Variants in ADGRL1 observed in about 807,000 individuals in gnomAD.
ADGRL1 encodes adhesion G protein-coupled receptor L1, also known as CIRL-1.
Under a neutral mutation model 148.9 loss-of-function variants are expected in ADGRL1, and 31 were observed. The ratio of observed to expected loss-of-function variants is 0.21; its 90% CI spans 0.16 to 0.28. The LOEUF (loss-of-function observed/expected upper bound fraction) is 0.28, where lower values mean the gene tolerates loss of function less well. ADGRL1 is among the 10% of genes least tolerant of loss of function. ADGRL1 has a pLI of 1.00. For missense variants in ADGRL1, 1,521 were observed against 2,058.8 expected (o/e 0.74, Z 5.05); for synonymous variants, 937 against 900.3 (o/e 1.04, Z -0.73).
At chr19:14,183,969 C>G (rs929098515) in intron 1 of ADGRL1, among the ~76,000 whole-genome samples, 11 of 152,262 alleles carry the variant, frequency 7.2e-5, no homozygotes, top group African/African-American at 2.6e-4. Context: ...GGGGAGATCC[C>G]AGGCAGGCCT....
In ADGRL1 at chr19:14,156,930, C is replaced by T. The variant is rs755451926; in HGVS notation, c.2961G>A (p.Glu987=). The change falls in exon 15 of 23, where the codon GAG becomes GAA. Residue 987 remains glutamate (E), a synonymous_variant. Transcript: ENST00000361434. ...AAIDYRSYGT[E]KACWLRVDNY... Reference sequence around the variant, plus strand: ...GCTGGGAGGTGGAAACTCACGCCTTCTCGGTGCCGTAGCTGCGGTAGTCAA... The same window carrying T: ...GCTGGGAGGTGGAAACTCACGCCTTTTCGGTGCCGTAGCTGCGGTAGTCAA... 6.2e-7 allele frequency: 1 copy of T among 1,610,070 alleles called. No homozygotes were observed.
chr19:14,152,005 G>A lies in ADGRL1; in HGVS notation c.3667+128C>T, dbSNP rs1340310450. On this transcript the variant is annotated intron_variant, in intron 22 of 22. Coordinates refer to ENST00000361434, the MANE Select transcript of ADGRL1 (RefSeq NM_014921.5). The surrounding 1 kb of genome is among the most constrained non-coding windows in gnomAD (Gnocchi z 6.1). ...ATTCGGCTGCCAGAGGCTGTGTGTC[G>A]GGGGGTGGGGAAATGTGGGCATGGG... 12 of 854,796 alleles carry A rather than the reference G, an allele frequency of 1.4e-5. No homozygotes were observed. The highest frequency in any genetic ancestry group is 1.9e-5 in the Admixed American group (1 of 51,580). 53.0% of individuals were successfully genotyped at this position (854,796 alleles called of 1,614,324 possible).
At chr19:14,199,012 G>A (rs1272352070) in intron 1 of ADGRL1, among the ~76,000 whole-genome samples, 2 of 152,230 alleles carry the variant, frequency 1.3e-5, no homozygotes, top group Non-Finnish European at 2.9e-5. Flanking sequence ...GGGCACAGAG[G>A]CGGGATCCCC....
chr19:14,175,113 G>A (rs1056559474), intron 3 of ADGRL1, among the ~76,000 whole-genome samples: 2 of 152,126 alleles, frequency 1.3e-5, no homozygotes, highest in Non-Finnish European at 2.9e-5. Flanking sequence ...AAAGTTCTGT[G>A]ATTACAGGCG....
chr19:14,177,877 C>G, intron 2 of ADGRL1, 133 bp from the exon 3 acceptor site: 1 of 730,100 alleles, frequency 1.4e-6, no homozygotes, highest in Non-Finnish European at 2.2e-6. Context: ...TCAGTTGATT[C>G]AGCTGTAGAA....
At chr19:14,196,228 CGTGT>C (rs1972253377) in intron 1 of ADGRL1, among the ~76,000 whole-genome samples, 2 of 152,218 alleles carry the variant, frequency 1.3e-5, no homozygotes, top group African/African-American at 4.8e-5. Context: ...CCAGAGGGCG[CGTGT>C]GAGCATCTAA....
intron 12 of ADGRL1, 48 bp downstream of exon 12, chr19:14,158,290 C>G (rs1473809918): frequency 6.3e-7 from 1 of 1,580,470 alleles, no homozygotes; most frequent in Non-Finnish European, 8.7e-7. Flanking sequence ...CCTGGGAACA[C>G]AGAGGGTACA....
At chr19:14,198,609 C>A (rs1311973846) in intron 1 of ADGRL1, among the ~76,000 whole-genome samples, 1 of 152,108 alleles carries the variant, frequency 6.6e-6, no homozygotes, top group Non-Finnish European at 1.5e-5. Context: ...CCTCTACCCC[C>A]ACCCCTGCCA....
intron 1 of ADGRL1, among the ~76,000 whole-genome samples, chr19:14,184,786 C>T (rs904153769): frequency 6.6e-6 from 1 of 151,800 alleles, no homozygotes; most frequent in African/African-American, 2.4e-5. Flanking sequence ...ACTACAGGCA[C>T]CCACCAACAC....
rs183534627 is a variant in ADGRL1, at chr19:14,185,531, T to C, written c.-95-1834A>G. ...CTGGTCTTGAACTCCTGGCCTCAAA[T>C]GATCCTCCCACCTCAGTCTCCCAAA... On this transcript the variant is annotated intron_variant, in intron 1 of 22. Coordinates refer to ENST00000361434, the MANE Select transcript of ADGRL1 (RefSeq NM_014921.5). Among the ~76,000 whole-genome samples the C allele has an allele frequency of 3.8e-3, 576 of 152,046 alleles. 1 individual carries two copies. Among genetic ancestry groups the C allele is most frequent in the Middle Eastern group, 0.014 (4 of 292 alleles).
intron 1 of ADGRL1, among the ~76,000 whole-genome samples, chr19:14,199,112 C>T (rs1220202836): frequency 1.3e-5 from 2 of 152,264 alleles, no homozygotes; most frequent in South Asian, 2.1e-4. Context: ...AAGAGGCCTC[C>T]GGCATAGCGC....
At chr19:14,204,754 G>A (rs960528553) in intron 1 of ADGRL1, among the ~76,000 whole-genome samples, 1 of 151,464 alleles carries the variant, frequency 6.6e-6, no homozygotes, top group African/African-American at 2.4e-5. Flanking sequence ...GACAGAGAGA[G>A]AGAGAGCGCG....
At position 14,151,345 on chromosome 19, in the gene ADGRL1, C is replaced by T. The variant is rs1315922789; in HGVS notation, c.3938G>A (p.Gly1313Asp). ...PPVPPVPGGG[G>D]EEEAGGPGGA... ...CCCGGGCCCGCCCGCCTCTTCCTCGCCCCCGCCCCCTGGCACAGGTGGCAC... is the reference window on the plus strand; with the variant it reads ...CCCGGGCCCGCCCGCCTCTTCCTCGTCCCCGCCCCCTGGCACAGGTGGCAC... Residue 1313 changes from glycine to aspartate, a missense_variant, in exon 23 of 23, where the codon GGC becomes GAC. This residue lies in a region of ADGRL1 where 390 missense variants were observed against 375.0 expected (regional missense o/e 1.04). Transcript: ENST00000361434. The T allele has an allele frequency of 5.0e-6, 8 of 1,599,016 alleles. No homozygotes were observed. Among genetic ancestry groups the T allele is most frequent in the Non-Finnish European group, 5.1e-6 (6 of 1,173,626 alleles).
intron 17 of ADGRL1, 22 bp downstream of exon 17, chr19:14,156,088 G>A (rs1369745632): frequency 6.3e-7 from 1 of 1,590,246 alleles, no homozygotes; most frequent in Non-Finnish European, 8.6e-7. Context: ...TGGGGCAGGG[G>A]GCAGGCAGGG....
At chr19:14,179,139 G>C (rs964737077) in intron 2 of ADGRL1, among the ~76,000 whole-genome samples, 1 of 151,886 alleles carries the variant, frequency 6.6e-6, no homozygotes, top group African/African-American at 2.4e-5. Context: ...AGCCCAGATC[G>C]TGCCACTGCA....
At position 14,155,950 on chromosome 19, in the gene ADGRL1, T is replaced by C. The variant is rs1568570039; in HGVS notation, c.3125+160A>G. On this transcript the variant is annotated intron_variant, in intron 17 of 22. Coordinates refer to ENST00000361434, the MANE Select transcript of ADGRL1 (RefSeq NM_014921.5). This position sits in a 1 kb window ranked among gnomAD's most constrained non-coding sequence, Gnocchi z 5.0. Reference sequence around the variant, plus strand: ...CGCTATCTAAGACCCATTAAGTAGGTACATAGTGAACACAATAGAACACCC... The same window carrying C: ...CGCTATCTAAGACCCATTAAGTAGGCACATAGTGAACACAATAGAACACCC... 4.7e-6 allele frequency: 3 copies of C among 636,020 alleles called. No homozygotes were observed. In the East Asian group the frequency reaches 8.2e-5, roughly 17 times the overall value. The allele number at this position is 636,020 out of a possible 1,614,324, so 39.4% of individuals were successfully genotyped here.
At position 14,149,873 on chromosome 19, in the gene ADGRL1, C is replaced by T. The variant is rs1263159823; in HGVS notation, c.*1000G>A. The T allele has an allele frequency of 4.6e-5, 7 of 151,360 alleles. No individual in the cohort carries two copies. Among genetic ancestry groups the T allele is most frequent in the African/African-American group, 1.5e-4 (6 of 41,002 alleles). The allele number at this position is 151,360 out of a possible 1,614,324, so 9.4% of individuals were successfully genotyped here. A position where few individuals can be genotyped will look rare whatever the true frequency, so the allele number is the denominator to read the frequency against. On this transcript the variant is annotated 3_prime_UTR_variant, in exon 23 of 23. Coordinates refer to ENST00000361434, the MANE Select transcript of ADGRL1 (RefSeq NM_014921.5). ...GCTCCGGAGAAAGCCCGGGCTGGCC[C>T]GGGCCGCAGGCTCCCGGTGGCTTCA...
intron 3 of ADGRL1, 79 bp from the exon 4 acceptor site, chr19:14,170,870 T>C (rs1970412724): frequency 2.7e-6 from 2 of 752,750 alleles, no homozygotes; most frequent in Non-Finnish European, 4.6e-6. Flanking sequence ...TCCAGGGTCA[T>C]GGTGTCATAG....
chr19:14,195,123 G>A (rs1192385282), intron 1 of ADGRL1, among the ~76,000 whole-genome samples: 2 of 152,020 alleles, frequency 1.3e-5, no homozygotes, highest in Non-Finnish European at 2.9e-5. Context: ...GGGCTCAAGC[G>A]ATCCTCCCGC....
Sources: allele counts gnomAD v4.1 joint callset (sites outside exome capture counted in the v4.1 genomes callset), GRCh38; gene constraint gnomAD v4.1.1; regional missense constraint gnomAD v4.1.1; non-coding constraint Gnocchi (gnomAD v3.1); transcripts MANE v1.5; gene names NCBI Gene and HGNC (gene_info 2026-07-23, HGNC 2026-07-21).